ARHGAP24: variants seen among roughly 807,000 people sequenced by gnomAD.
The protein encoded by ARHGAP24 is Rho GTPase activating protein 24, also known as rho GTPase-activating protein 24.
Under a neutral mutation model 76.4 loss-of-function variants are expected in ARHGAP24, and 50 were observed. That is an observed-to-expected ratio of 0.65 (90% CI 0.52 to 0.83). The LOEUF (loss-of-function observed/expected upper bound fraction) is 0.83. ARHGAP24 is among the 40% of genes least tolerant of loss of function. ARHGAP24 has a pLI of 0.00. For synonymous variants in ARHGAP24, 345 were observed against 323.3 expected (o/e 1.07, Z -0.72); for missense variants, 930 against 914.2 (o/e 1.02, Z -0.22).
chr4:85,757,655 C>T (rs1454038722), intron 3 of ARHGAP24, among the ~76,000 whole-genome samples: 1 of 152,000 alleles, frequency 6.6e-6, no homozygotes, highest in Non-Finnish European at 1.5e-5. Context: ...TTTGCTATTG[C>T]GAATAGTGCC....
At chr4:85,954,762 C>T (rs751050910) in intron 5 of ARHGAP24, among the ~76,000 whole-genome samples, 5 of 152,234 alleles carry the variant, frequency 3.3e-5, no homozygotes, top group Non-Finnish European at 7.3e-5. Context: ...AATCCCAGCA[C>T]TTTGGGAGGC....
intron 3 of ARHGAP24, among the ~76,000 whole-genome samples, chr4:85,853,985 A>G (rs896853371): frequency 4.2e-5 from 6 of 144,012 alleles, no homozygotes; most frequent in African/African-American, 5.2e-5. Context: ...AAAAACCCCA[A>G]TTAGCCGGGC....
At chr4:85,724,452 C>G (rs1219094828) in intron 3 of ARHGAP24, among the ~76,000 whole-genome samples, 1 of 146,504 alleles carries the variant, frequency 6.8e-6, no homozygotes, top group African/African-American at 2.6e-5. Context: ...ACAGTTTATC[C>G]ATATGTGCAC....
At chr4:85,799,741 G>A (rs1425476212) in intron 3 of ARHGAP24, among the ~76,000 whole-genome samples, 1 of 152,072 alleles carries the variant, frequency 6.6e-6, no homozygotes, top group African/African-American at 2.4e-5. Flanking sequence ...GCAGAATCCT[G>A]GCAGCATCAC....
chr4:85,716,835 C>T (rs886671566), intron 2 of ARHGAP24, among the ~76,000 whole-genome samples: 7 of 152,184 alleles, frequency 4.6e-5, no homozygotes, highest in Admixed American at 3.9e-4. Context: ...TTGGGGAAGC[C>T]GGTGACTTTA....
intron 1 of ARHGAP24, among the ~76,000 whole-genome samples, chr4:85,497,760 C>T (rs891247361): frequency 1.2e-4 from 19 of 152,072 alleles, no homozygotes; most frequent in African/African-American, 3.9e-4. Context: ...GTGGAGGTTG[C>T]GGTGAGCCAA....
intron 3 of ARHGAP24, among the ~76,000 whole-genome samples, chr4:85,823,750 A>C (rs142930817): frequency 6.2e-4 from 95 of 152,240 alleles, no homozygotes; most frequent in African/African-American, 2.1e-3. Context: ...TTAAAGCTTT[A>C]AGTGCCCAGG....
intron 2 of ARHGAP24, among the ~76,000 whole-genome samples, chr4:85,647,326 T>C (rs6815200): frequency 0.028 from 4,247 of 152,202 alleles, 189 homozygotes; most frequent in African/African-American, 0.096. Flanking sequence ...AATTAAATCA[T>C]AGCAAAATGG....
intron 1 of ARHGAP24, among the ~76,000 whole-genome samples, chr4:85,524,000 AGGT>A (rs954609618): frequency 1.2e-4 from 19 of 152,120 alleles, no homozygotes; most frequent in African/African-American, 4.6e-4. Flanking sequence ...TTTCATATAG[AGGT>A]GGTGGTGGGC....
intron 3 of ARHGAP24, among the ~76,000 whole-genome samples, chr4:85,773,904 A>G (rs1344842778): frequency 1.3e-5 from 2 of 152,222 alleles, no homozygotes; most frequent in African/African-American, 4.8e-5. Flanking sequence ...CACTAATGAA[A>G]TAAATGCCAC....
chr4:85,569,944 C>T (rs1384885610), intron 1 of ARHGAP24, among the ~76,000 whole-genome samples: 1 of 152,196 alleles, frequency 6.6e-6, no homozygotes, highest in Non-Finnish European at 1.5e-5. Flanking sequence ...GACACAGAGG[C>T]CATAATCTTG....
intron 3 of ARHGAP24, among the ~76,000 whole-genome samples, chr4:85,875,695 A>G (rs1033418018): frequency 1.5e-5 from 2 of 133,454 alleles, no homozygotes; most frequent in Non-Finnish European, 3.1e-5. Context: ...ATTAAAAATA[A>G]TATTTATATA....
At chr4:85,569,118 A>G (rs1477731150) in intron 1 of ARHGAP24, among the ~76,000 whole-genome samples, 1 of 152,218 alleles carries the variant, frequency 6.6e-6, no homozygotes, top group Non-Finnish European at 1.5e-5. Context: ...GTATACATGC[A>G]AATTGATTAA....
intron 3 of ARHGAP24, among the ~76,000 whole-genome samples, chr4:85,855,772 G>GAAAAAAAAAA (rs11406317): frequency 7.1e-6 from 1 of 140,812 alleles, no homozygotes. Context: ...AAGCAAAAAA[G>GAAAAAAAAAA]AAAAAAAAAA....
At chr4:85,727,101 T>C (rs933224401) in intron 3 of ARHGAP24, among the ~76,000 whole-genome samples, 1 of 151,768 alleles carries the variant, frequency 6.6e-6, no homozygotes, top group African/African-American at 2.4e-5. Flanking sequence ...GCGCCTATAA[T>C]CCCAGCTACT....
At chr4:85,658,004 C>G (rs775411227) in intron 2 of ARHGAP24, among the ~76,000 whole-genome samples, 1 of 152,238 alleles carries the variant, frequency 6.6e-6, no homozygotes, top group Non-Finnish European at 1.5e-5. Context: ...ATCTGCCCCC[C>G]TCGGCTTCCC....
At chr4:85,849,834 G>A (rs890080809) in intron 3 of ARHGAP24, among the ~76,000 whole-genome samples, 6 of 152,104 alleles carry the variant, frequency 3.9e-5, no homozygotes, top group African/African-American at 1.2e-4. Flanking sequence ...TTGATGTGCT[G>A]CTGGATTCGG....
At chr4:85,796,981 G>A (rs925857938) in intron 3 of ARHGAP24, among the ~76,000 whole-genome samples, 2 of 152,148 alleles carry the variant, frequency 1.3e-5, no homozygotes, top group Non-Finnish European at 2.9e-5. Context: ...ACTGAGGAAG[G>A]TGTGTACACT....
intron 2 of ARHGAP24, among the ~76,000 whole-genome samples, chr4:85,696,154 A>G (rs1410433794): frequency 8.0e-6 from 1 of 125,434 alleles, no homozygotes; most frequent in African/African-American, 2.9e-5. Context: ...GAGTTCTAAA[A>G]TGCCCTATTT....
Sources: gnomAD v4.1 joint callset for allele counts (sites outside exome capture counted in the v4.1 genomes callset) on GRCh38, gnomAD v4.1.1 for gene constraint, MANE v1.5 for transcripts, NCBI Gene and HGNC (gene_info 2026-07-23, HGNC 2026-07-21) for gene names.